ASRGL1: variants seen among roughly 807,000 people sequenced by gnomAD.
ASRGL1 encodes the protein isoaspartyl peptidase/L-asparaginase.
A neutral mutation model predicts 22.4 loss-of-function variants in ASRGL1; 16 were observed. That is an observed-to-expected ratio of 0.71 (90% CI 0.48 to 1.08). ASRGL1 has a LOEUF of 1.08. ASRGL1 is among the 50% of genes least tolerant of loss of function. The pLI, the probability that ASRGL1 is intolerant of heterozygous loss-of-function variation, is 0.00. For missense variants in ASRGL1, 412 were observed against 410.1 expected, an observed-to-expected ratio of 1.00 and a Z score of -0.04; for synonymous variants, 165 against 159.3, an observed-to-expected ratio of 1.04 and a Z score of -0.27.
In ASRGL1 at chr11:62,393,253, G is replaced by T. The variant is rs6863; in HGVS notation, c.*969G>T. ...CATGGTGAAGAAAGTCATTTCCTCG[G>T]TGGGCAGTATTCCTCTTTATCTCTC... is the stretch of plus-strand genomic sequence containing the variant. On this transcript the variant is annotated 3_prime_UTR_variant, in exon 7 of 7. Transcript: ENST00000415229. The T allele has an allele frequency of 0.097, 14,813 of 152,234 alleles. 751 individuals are homozygous for T. The highest frequency in any genetic ancestry group is 0.12 in the Non-Finnish European group (8,120 of 68,024). 9.4% of individuals were successfully genotyped at this position (152,234 alleles called of 1,614,324 possible). A position where few individuals can be genotyped will look rare whatever the true frequency, so the allele number is the denominator to read the frequency against.
intron 2 of ASRGL1, among the ~76,000 whole-genome samples, chr11:62,338,837 C>T (rs1430376283): frequency 2.8e-5 from 4 of 144,390 alleles, no homozygotes; most frequent in African/African-American, 7.6e-5. Context: ...CCCAGCTACT[C>T]GGGAGGCCGA....
intron 4 of ASRGL1, chr11:62,371,242 G>A (rs916450169): frequency 2.3e-6 from 3 of 1,278,952 alleles, no homozygotes; most frequent in Non-Finnish European, 3.1e-6. Flanking sequence ...CCGGAAGCGC[G>A]AGCCTCCCGA....
chr11:62,393,766 T>G (rs1269587224), downstream of ASRGL1, among the ~76,000 whole-genome samples: 1 of 152,078 alleles, frequency 6.6e-6, no homozygotes, highest in Admixed American at 6.6e-5. Context: ...TTCCACAGAC[T>G]AAGTGACTTA....
At chr11:62,352,107 G>A in intron 2 of ASRGL1, among the ~76,000 whole-genome samples, 1 of 152,170 alleles carries the variant, frequency 6.6e-6, no homozygotes, top group East Asian at 1.9e-4. Flanking sequence ...ATCTGGCTGT[G>A]TTTGGAGATG....
At chr11:62,394,847 C>T (rs1473769278), downstream of ASRGL1, among the ~76,000 whole-genome samples, 1 of 152,148 alleles carries the variant, frequency 6.6e-6, no homozygotes, top group Non-Finnish European at 1.5e-5. Flanking sequence ...CAAAAGCCAC[C>T]TCCACCAGCC....
intron 2 of ASRGL1, among the ~76,000 whole-genome samples, chr11:62,350,170 G>A (rs960172513): frequency 3.3e-5 from 5 of 152,104 alleles, no homozygotes; most frequent in Admixed American, 6.6e-5. Context: ...TGGTTCAAAC[G>A]TCTCTGACGG....
chr11:62,394,102 T>C (rs1947399460), downstream of ASRGL1, among the ~76,000 whole-genome samples: 2 of 142,000 alleles, frequency 1.4e-5, no homozygotes, highest in South Asian at 4.2e-4. Context: ...ATATATAATA[T>C]ATATTATAAT....
rs111434988 is a variant in ASRGL1, at chr11:62,370,135, AG to A, written c.491+12992del. Among the ~76,000 whole-genome samples the A allele has an allele frequency of 9.7e-3, 1,480 of 152,292 alleles. 31 individuals are homozygous for A. The highest frequency in any genetic ancestry group is 0.031 in the African/African-American group (1,290 of 41,554). ...TTTGGCTCTATTTAAGATGGCTTTT[AG>A]TACTTCAGTCAAAATATGGATGGAT... On this transcript the variant is annotated intron_variant, in intron 4 of 6. Transcript: ENST00000415229.
At chr11:62,352,600 G>C (rs1181678665) in intron 2 of ASRGL1, among the ~76,000 whole-genome samples, 2 of 151,954 alleles carry the variant, frequency 1.3e-5, no homozygotes, top group Admixed American at 1.3e-4. Flanking sequence ...AGAAAAAGCA[G>C]CAGCCTCAGA....
At chr11:62,394,664 A>G (rs899104367), downstream of ASRGL1, among the ~76,000 whole-genome samples, 8 of 152,144 alleles carry the variant, frequency 5.3e-5, no homozygotes, top group Non-Finnish European at 7.4e-5. Context: ...TGTCTTACCA[A>G]TTCTCCAGTT....
At chr11:62,386,893 ATTT>A (rs34472338) in intron 4 of ASRGL1, among the ~76,000 whole-genome samples, 18 of 143,928 alleles carry the variant, frequency 1.3e-4, no homozygotes, top group South Asian at 6.6e-4. Flanking sequence ...GGAAAGAATG[ATTT>A]TTTTTTTTTT....
At chr11:62,351,794 C>T (rs1488910696) in intron 2 of ASRGL1, among the ~76,000 whole-genome samples, 5 of 152,090 alleles carry the variant, frequency 3.3e-5, no homozygotes, top group Admixed American at 3.3e-4. Flanking sequence ...ACCTCAGCCT[C>T]CCGAGTAAAG....
intron 2 of ASRGL1, among the ~76,000 whole-genome samples, chr11:62,340,018 T>C (rs1424640254): frequency 6.6e-6 from 1 of 151,974 alleles, no homozygotes; most frequent in Non-Finnish European, 1.5e-5. Flanking sequence ...TCCCAGCACT[T>C]TGGAAAGCTG....
At chr11:62,375,173 C>A (rs11231059) in intron 4 of ASRGL1, among the ~76,000 whole-genome samples, 51,498 of 151,598 alleles carry the variant, frequency 0.34, 10,114 homozygotes, top group Middle Eastern at 0.48. Flanking sequence ...CTCCTTCTGG[C>A]TTAGATTGAA....
At chr11:62,382,219 GA>G (rs1156556331) in intron 4 of ASRGL1, 1 of 151,838 alleles carries the variant, frequency 6.6e-6, no homozygotes, top group Non-Finnish European at 1.5e-5. Flanking sequence ...AACGTATAGA[GA>G]AAAAAAAGTG....
downstream of ASRGL1, among the ~76,000 whole-genome samples, chr11:62,396,027 G>A (rs1947429500): frequency 6.6e-6 from 1 of 151,892 alleles, no homozygotes; most frequent in African/African-American, 2.4e-5. Context: ...ACCCACCTCG[G>A]CCCCCCAAAG....
At chr11:62,341,980 A>C (rs1235258549) in intron 2 of ASRGL1, among the ~76,000 whole-genome samples, 1 of 152,290 alleles carries the variant, frequency 6.6e-6, no homozygotes, top group African/African-American at 2.4e-5. Context: ...TTTATTTAGT[A>C]AGGCCGTTTT....
chr11:62,389,445 C>T, intron 5 of ASRGL1, 194 bp downstream of exon 5: 1 of 672,278 alleles, frequency 1.5e-6, no homozygotes, highest in Admixed American at 2.1e-5. Flanking sequence ...GTGTTTGTAT[C>T]TGGCGCCACT....
chr11:62,398,216 C>T (rs2134716186), downstream of ASRGL1, among the ~76,000 whole-genome samples: 3 of 152,132 alleles, frequency 2.0e-5, 1 homozygote, highest in Middle Eastern at 0.01. Flanking sequence ...CAAAGGGTGA[C>T]TTGGAGTGAG....
Sources: allele counts gnomAD v4.1 joint callset (sites outside exome capture counted in the v4.1 genomes callset), GRCh38; gene constraint gnomAD v4.1.1; transcripts MANE v1.5; gene names NCBI Gene and HGNC (gene_info 2026-07-23, HGNC 2026-07-21).